MYO16: variants seen among roughly 807,000 people sequenced by gnomAD.
MYO16 encodes myosin XVI, also known as unconventional myosin-XVI.
In MYO16, 94 loss-of-function variants were observed where a neutral mutation model predicts 205.3. The observed-to-expected ratio is 0.46, with a 90% confidence interval of 0.39 to 0.54. The LOEUF (loss-of-function observed/expected upper bound fraction) is 0.54, where lower values mean the gene tolerates loss of function less well. MYO16 is among the 20% of genes least tolerant of loss of function. The probability of loss-of-function intolerance (pLI) is 0.00; values close to 1 mark genes in which losing one functional copy is unlikely to be tolerated. For missense variants in MYO16, 2,315 were observed against 2,387.5 expected (o/e 0.97, Z 0.63); for synonymous variants, 988 against 954.0 (o/e 1.04, Z -0.66).
chr13:108,866,539 AACTC>A (rs1000107783), intron 12 of MYO16, among the ~76,000 whole-genome samples: 4 of 152,184 alleles, frequency 2.6e-5, no homozygotes, highest in Non-Finnish European at 5.9e-5. Context: ...ATTTTTCACT[AACTC>A]AAGATCATTT....
chr13:109,091,964 T>C (rs1422682656), intron 27 of MYO16, among the ~76,000 whole-genome samples: 3 of 152,246 alleles, frequency 2.0e-5, no homozygotes, highest in African/African-American at 7.2e-5. Flanking sequence ...TCTTGCTTTA[T>C]ATTTGACCAT....
chr13:108,892,809 C>A (rs1330598857), intron 14 of MYO16, among the ~76,000 whole-genome samples: 1 of 152,192 alleles, frequency 6.6e-6, no homozygotes, highest in African/African-American at 2.4e-5. Flanking sequence ...TGTATAATTT[C>A]TGTAATGCAT....
At chr13:109,139,708 G>A (rs898744862) in intron 31 of MYO16, among the ~76,000 whole-genome samples, 6 of 152,302 alleles carry the variant, frequency 3.9e-5, no homozygotes, top group African/African-American at 1.4e-4. Flanking sequence ...GAGCAAGGGT[G>A]GGGAACGTGA....
intron 13 of MYO16, among the ~76,000 whole-genome samples, chr13:108,887,035 G>A (rs759546964): frequency 3.9e-5 from 6 of 152,064 alleles, no homozygotes; most frequent in Non-Finnish European, 8.8e-5. Flanking sequence ...AACTTAATAA[G>A]TTGTTAACGG....
At position 109,019,884 on chromosome 13, in the gene MYO16, C is replaced by T. The variant is rs754373324; in HGVS notation, c.2769C>T (p.Ala923=). The T allele has an allele frequency of 8.2e-5, 133 of 1,614,032 alleles. No homozygotes were observed. The highest frequency in any genetic ancestry group is 1.1e-4 in the Non-Finnish European group (127 of 1,180,026). Reference sequence around the variant, plus strand: ...TTGCCCTCAAAGACCACGGTACAGCCTTCACCATCATGCACTACGCAGGAA... The same window carrying T: ...TTGCCCTCAAAGACCACGGTACAGCTTTCACCATCATGCACTACGCAGGAA... ...GNVALKDHGT[A]FTIMHYAGRV... The change falls in exon 23 of 35, where the codon GCC becomes GCT. Residue 923 remains alanine (A), a synonymous_variant. Coordinates refer to ENST00000457511, the MANE Select transcript of MYO16 (RefSeq NM_001198950.3).
chr13:108,505,832 G>T, the MYO16 span, among the ~76,000 whole-genome samples: 1 of 151,770 alleles, frequency 6.6e-6, no homozygotes, highest in African/African-American at 2.4e-5. Flanking sequence ...ATTTTGAGTT[G>T]TTTCTTTTGC....
chr13:108,623,278 T>A (rs1015323969), intron 1 of MYO16, among the ~76,000 whole-genome samples: 5 of 152,290 alleles, frequency 3.3e-5, no homozygotes, highest in African/African-American at 1.2e-4. Flanking sequence ...AGACTTCAGT[T>A]TGGAGAAATA....
At chr13:109,079,472 G>C (rs1414343761) in intron 27 of MYO16, among the ~76,000 whole-genome samples, 2 of 152,086 alleles carry the variant, frequency 1.3e-5, no homozygotes, top group African/African-American at 4.8e-5. Context: ...TGGCAACGTG[G>C]ATGCAGCTGG....
chr13:109,029,921 G>A (rs1886495522), intron 23 of MYO16, among the ~76,000 whole-genome samples: 1 of 152,058 alleles, frequency 6.6e-6, no homozygotes, highest in Non-Finnish European at 1.5e-5. Flanking sequence ...TTTATTTCAT[G>A]AGCTGACAGA....
At chr13:108,978,677 A>G (rs752995553) in intron 20 of MYO16, among the ~76,000 whole-genome samples, 2 of 151,772 alleles carry the variant, frequency 1.3e-5, no homozygotes, top group Non-Finnish European at 2.9e-5. Context: ...GTCTTATACA[A>G]TCTGTTGCTA....
At chr13:108,657,308 C>G (rs369140504) in intron 1 of MYO16, among the ~76,000 whole-genome samples, 1 of 152,214 alleles carries the variant, frequency 6.6e-6, no homozygotes, top group South Asian at 2.1e-4. Flanking sequence ...GTCTATTCCT[C>G]TACCAAAGCC....
At chr13:108,692,165 G>C (rs1445793146) in intron 2 of MYO16, among the ~76,000 whole-genome samples, 1 of 152,174 alleles carries the variant, frequency 6.6e-6, no homozygotes, top group Non-Finnish European at 1.5e-5. Context: ...GTATATTTAA[G>C]CTAATCAGAC....
At chr13:108,560,944 T>C in the MYO16 span, among the ~76,000 whole-genome samples, 1 of 152,330 alleles carries the variant, frequency 6.6e-6, no homozygotes, top group East Asian at 1.9e-4. Flanking sequence ...GTTATAGAGT[T>C]ATTAGATATT....
chr13:108,570,762 A>C, the MYO16 span, among the ~76,000 whole-genome samples: 2 of 152,242 alleles, frequency 1.3e-5, no homozygotes, highest in Non-Finnish European at 2.9e-5. Context: ...AAAAGACTAC[A>C]TTGAGATTGA....
chr13:109,022,872 T>G lies in MYO16; in HGVS notation c.2796+2961T>G, dbSNP rs369833738. On this transcript the variant is annotated intron_variant, in intron 23 of 34. Coordinates refer to ENST00000457511, the MANE Select transcript of MYO16 (RefSeq NM_001198950.3). ...ATATATTATACTCAATATATAAACA[T>G]GTATATATTTATTATATATACACAT... Among the ~76,000 whole-genome samples, 71 of 135,768 alleles carry G rather than the reference T, an allele frequency of 5.2e-4. 1 individual carries two copies. The East Asian group carries it at 0.01, about 20-fold the overall frequency. The allele number at this position is 135,768 out of a possible 152,430, so 89.1% of individuals were successfully genotyped here. A position where few individuals can be genotyped will look rare whatever the true frequency, so the allele number is the denominator to read the frequency against.
intron 9 of MYO16, among the ~76,000 whole-genome samples, chr13:108,826,458 A>G (rs1876272814): frequency 1.3e-5 from 2 of 152,156 alleles, no homozygotes; most frequent in Non-Finnish European, 2.9e-5. Context: ...AGCTAAAACT[A>G]TAAAACTCTC....
intron 34 of MYO16, among the ~76,000 whole-genome samples, chr13:109,195,732 G>A (rs1168555428): frequency 1.3e-5 from 2 of 152,044 alleles, no homozygotes; most frequent in Non-Finnish European, 2.9e-5. Context: ...TGTGACAAAT[G>A]AACAGCAACA....
chr13:109,114,769 G>A (rs191602997), intron 28 of MYO16, among the ~76,000 whole-genome samples: 2 of 152,274 alleles, frequency 1.3e-5, no homozygotes, highest in Admixed American at 1.3e-4. Flanking sequence ...AGAACCATGT[G>A]ACCTGAGCTT....
intron 31 of MYO16, among the ~76,000 whole-genome samples, chr13:109,131,034 T>C (rs934856905): frequency 4.6e-5 from 7 of 152,124 alleles, no homozygotes; most frequent in African/African-American, 1.7e-4. Flanking sequence ...ATTTTTTGCA[T>C]CTAGTAACGT....
Sources: allele counts gnomAD v4.1 joint callset (sites outside exome capture counted in the v4.1 genomes callset), GRCh38; gene constraint gnomAD v4.1.1; transcripts MANE v1.5; gene names NCBI Gene and HGNC (gene_info 2026-07-23, HGNC 2026-07-21).